Variants in LRRC4C observed in about 807,000 individuals in gnomAD.
LRRC4C encodes the protein leucine-rich repeat-containing protein 4C.
In LRRC4C, 5 loss-of-function variants were observed where a neutral mutation model predicts 33.6. That is an observed-to-expected ratio of 0.15 (90% CI 0.08 to 0.31). LRRC4C has a LOEUF of 0.31. Ranked by LOEUF, LRRC4C falls within the 10% of genes least tolerant of loss-of-function variation. The pLI, the probability that LRRC4C is intolerant of heterozygous loss-of-function variation, is 1.00. For synonymous variants in LRRC4C, 329 were observed against 302.0 expected (o/e 1.09, Z -0.93); for missense variants, 560 against 796.7 (o/e 0.70, Z 3.58).
At chr11:41,238,507 T>A (rs1369982475) in intron 1 of LRRC4C, among the ~76,000 whole-genome samples, 1 of 152,322 alleles carries the variant, frequency 6.6e-6, no homozygotes, top group South Asian at 2.1e-4. Context: ...TGTCCTTAGA[T>A]ACACAACTAT....
intron 5 of LRRC4C, among the ~76,000 whole-genome samples, chr11:40,237,105 T>C (rs1431666001): frequency 6.6e-6 from 1 of 152,194 alleles, no homozygotes; most frequent in Non-Finnish European, 1.5e-5. Flanking sequence ...GGTGTACTCA[T>C]CACAAGTCCA....
At chr11:40,166,104 C>A (rs916586283) in intron 5 of LRRC4C, among the ~76,000 whole-genome samples, 1 of 152,144 alleles carries the variant, frequency 6.6e-6, no homozygotes, top group African/African-American at 2.4e-5. Flanking sequence ...GTATCTATAA[C>A]CAGTACAAAT....
intron 1 of LRRC4C, among the ~76,000 whole-genome samples, chr11:41,168,791 C>T (rs1005172361): frequency 4.6e-5 from 7 of 152,090 alleles, no homozygotes; most frequent in Admixed American, 3.3e-4. Context: ...TACTCTTCAG[C>T]GGTTGCCTAC....
chr11:40,829,186 A>G (rs1952297964), intron 2 of LRRC4C, among the ~76,000 whole-genome samples: 1 of 152,036 alleles, frequency 6.6e-6, no homozygotes, highest in Non-Finnish European at 1.5e-5. Flanking sequence ...GGGAAATAAG[A>G]TGAAGTACAA....
rs534391600 is a variant in LRRC4C at position 40,666,530 on chromosome 11, G to A, written c.-406-18252C>T. 4.6e-5 allele frequency among the ~76,000 whole-genome samples: 7 copies of A among 152,184 alleles called. No homozygotes were observed. The East Asian group carries it at 1.4e-3, about 29-fold the overall frequency. On this transcript the variant is annotated intron_variant, in intron 2 of 6. Transcript: ENST00000528697. Reference sequence around the variant, plus strand: ...ATATCTGATTGGTGGGTACACATGTGGCTATATGTTTGCAATGTCTCAAAA... The same window carrying A: ...ATATCTGATTGGTGGGTACACATGTAGCTATATGTTTGCAATGTCTCAAAA...
intron 1 of LRRC4C, among the ~76,000 whole-genome samples, chr11:41,066,943 T>G (rs904632010): frequency 6.6e-6 from 1 of 152,120 alleles, no homozygotes; most frequent in Non-Finnish European, 1.5e-5. Context: ...AAAAAACTGA[T>G]ACCAGCCACT....
intron 3 of LRRC4C, among the ~76,000 whole-genome samples, chr11:40,584,161 A>C (rs1392812494): frequency 2.2e-5 from 2 of 90,418 alleles, no homozygotes; most frequent in African/African-American, 8.0e-5. Flanking sequence ...AAGTATACAC[A>C]CACACACGCA....
chr11:41,282,767 A>T (rs911280849), intron 1 of LRRC4C, among the ~76,000 whole-genome samples: 2 of 152,312 alleles, frequency 1.3e-5, no homozygotes, highest in East Asian at 3.9e-4. Flanking sequence ...GCAGCTGCAG[A>T]TGTGGGCATC....
At chr11:40,627,265 G>A (rs1377487097) in intron 3 of LRRC4C, among the ~76,000 whole-genome samples, 1 of 77,244 alleles carries the variant, frequency 1.3e-5, no homozygotes. Flanking sequence ...GAGAGAGAGA[G>A]AGAGAGAGAG....
intron 3 of LRRC4C, among the ~76,000 whole-genome samples, chr11:40,408,851 T>C (rs1466517527): frequency 6.6e-6 from 1 of 151,988 alleles, no homozygotes; most frequent in Non-Finnish European, 1.5e-5. Context: ...TATACCAGAT[T>C]TGATGCAATC....
intron 1 of LRRC4C, among the ~76,000 whole-genome samples, chr11:41,075,027 T>TTTTTTATTTTTA (rs1939024025): frequency 8.7e-5 from 9 of 102,976 alleles, no homozygotes; most frequent in South Asian, 8.5e-4. Flanking sequence ...TTTTTTTTTT[T>TTTTTTATTTTTA]TTTTTTTTTA....
chr11:41,186,265 G>A (rs1475929085), intron 1 of LRRC4C, among the ~76,000 whole-genome samples: 1 of 152,154 alleles, frequency 6.6e-6, no homozygotes, highest in African/African-American at 2.4e-5. Flanking sequence ...AAAGGAAAAT[G>A]TAAATTATAT....
intron 2 of LRRC4C, among the ~76,000 whole-genome samples, chr11:40,846,864 G>A (rs1264074118): frequency 6.6e-6 from 1 of 151,904 alleles, no homozygotes; most frequent in African/African-American, 2.4e-5. Context: ...TCTTTGAAGA[G>A]GCCCTTCACA....
At chr11:41,198,163 AT>A (rs1946260278) in intron 1 of LRRC4C, among the ~76,000 whole-genome samples, 1 of 152,048 alleles carries the variant, frequency 6.6e-6, no homozygotes, top group Non-Finnish European at 1.5e-5. Flanking sequence ...AAATCTATAG[AT>A]TTTTGAACCA....
At chr11:40,370,455 G>A (rs759218418) in intron 3 of LRRC4C, among the ~76,000 whole-genome samples, 4 of 152,108 alleles carry the variant, frequency 2.6e-5, no homozygotes, top group Non-Finnish European at 4.4e-5. Context: ...ATTCACAAGG[G>A]GGAGGAGTAA....
chr11:40,884,582 G>C (rs931851971), intron 2 of LRRC4C, among the ~76,000 whole-genome samples: 1 of 152,006 alleles, frequency 6.6e-6, no homozygotes, highest in African/African-American at 2.4e-5. Flanking sequence ...AGAAGGAACT[G>C]TTCTAAAGCT....
chr11:41,159,314 T>G (rs753254010), intron 1 of LRRC4C, among the ~76,000 whole-genome samples: 2 of 151,674 alleles, frequency 1.3e-5, no homozygotes, highest in African/African-American at 4.8e-5. Context: ...TACATAAAAA[T>G]AAAACATTAA....
chr11:40,851,671 T>A (rs1381261004), intron 2 of LRRC4C, among the ~76,000 whole-genome samples: 1 of 152,130 alleles, frequency 6.6e-6, no homozygotes, highest in African/African-American at 2.4e-5. Context: ...TCCCAGCTAC[T>A]CAGGAGGCTG....
chr11:40,887,247 TAATGAGACA>T (rs1955512634), intron 2 of LRRC4C, among the ~76,000 whole-genome samples: 1 of 151,798 alleles, frequency 6.6e-6, no homozygotes, highest in Non-Finnish European at 1.5e-5. Context: ...TTTCAAGCCA[TAATGAGACA>T]ATTGGTATAG....
Sources: allele counts gnomAD v4.1 joint callset (sites outside exome capture counted in the v4.1 genomes callset), GRCh38; gene constraint gnomAD v4.1.1; transcripts MANE v1.5; gene names NCBI Gene and HGNC (gene_info 2026-07-23, HGNC 2026-07-21).